The following KCNMA1 variants were observed in gnomAD, a reference collection of about 807,000 sequenced individuals.
KCNMA1 encodes the protein Calcium-activated potassium channel subunit alpha-1.
KCNMA1 carries 29 observed loss-of-function variants against 140.0 expected under a neutral mutation model. The ratio of observed to expected loss-of-function variants is 0.21; its 90% CI spans 0.15 to 0.28. The LOEUF is 0.28. Among genes scored for constraint, KCNMA1 ranks in the 10% least tolerant of loss-of-function variants. The pLI is 1.00. For missense variants in KCNMA1, 880 were observed against 1,602.2 expected (o/e 0.55, Z 7.70); for synonymous variants, 612 against 611.9 (o/e 1.00, Z 0.00).
chr10:77,297,154 T>C (rs2075378119), intron 2 of KCNMA1, among the ~76,000 whole-genome samples: 1 of 152,142 alleles, frequency 6.6e-6, no homozygotes, highest in Non-Finnish European at 1.5e-5. Flanking sequence ...AGAGATTAAA[T>C]TTATAATCAT....
chr10:77,589,852 G>A (rs2078470411), intron 1 of KCNMA1, among the ~76,000 whole-genome samples: 1 of 152,074 alleles, frequency 6.6e-6, no homozygotes, highest in Non-Finnish European at 1.5e-5. Context: ...TCCACAGTGT[G>A]GAAGGGGACC....
At chr10:77,618,228 C>T (rs547966664) in intron 1 of KCNMA1, among the ~76,000 whole-genome samples, 1 of 152,176 alleles carries the variant, frequency 6.6e-6, no homozygotes, top group African/African-American at 2.4e-5. Flanking sequence ...TCCACACACA[C>T]CATCAATGGT....
intron 14 of KCNMA1, among the ~76,000 whole-genome samples, chr10:77,062,786 C>T (rs1387650275): frequency 6.6e-6 from 1 of 152,168 alleles, no homozygotes; most frequent in Non-Finnish European, 1.5e-5. Context: ...GGTTTCTATT[C>T]TTAGAAGCTA....
At chr10:77,367,330 T>C (rs1278992322) in intron 2 of KCNMA1, among the ~76,000 whole-genome samples, 1 of 152,112 alleles carries the variant, frequency 6.6e-6, no homozygotes, top group Non-Finnish European at 1.5e-5. Flanking sequence ...TGATAAAATA[T>C]TTGAATTTTA....
intron 10 of KCNMA1, among the ~76,000 whole-genome samples, chr10:77,087,095 G>A (rs976367258): frequency 6.6e-6 from 1 of 152,188 alleles, no homozygotes; most frequent in African/African-American, 2.4e-5. Context: ...CAATAAAACA[G>A]AGGACAGAGG....
At chr10:77,201,615 C>T (rs11002077) in intron 3 of KCNMA1, among the ~76,000 whole-genome samples, 10,031 of 152,182 alleles carry the variant, frequency 0.066, 491 homozygotes, top group Middle Eastern at 0.15. Context: ...CGTGAGGCAC[C>T]GCACCCAGCC....
At chr10:77,295,813 A>AC (rs1204004124) in intron 2 of KCNMA1, among the ~76,000 whole-genome samples, 6 of 150,420 alleles carry the variant, frequency 4.0e-5, no homozygotes, top group African/African-American at 1.2e-4. Context: ...AAAAAAAAAA[A>AC]AAAACAGTTT....
At chr10:76,973,926 T>G (rs2076789864) in intron 19 of KCNMA1, 1 of 152,242 alleles carries the variant, frequency 6.6e-6, no homozygotes, top group South Asian at 2.1e-4. Flanking sequence ...GACCTGATGC[T>G]CAGCTCTAGC....
intron 3 of KCNMA1, among the ~76,000 whole-genome samples, chr10:77,187,395 A>G (rs1323546283): frequency 6.6e-6 from 1 of 152,202 alleles, no homozygotes; most frequent in East Asian, 1.9e-4. Context: ...GCTAGAGGAC[A>G]TGGGTGTTGA....
At chr10:76,905,070 T>C (rs1183662625) in intron 25 of KCNMA1, 1 of 152,346 alleles carries the variant, frequency 6.6e-6, no homozygotes, top group Non-Finnish European at 1.5e-5. Flanking sequence ...CCCGATTTTA[T>C]ATAAAATCTT....
chr10:77,562,076 C>A (rs928131876), intron 1 of KCNMA1, among the ~76,000 whole-genome samples: 6 of 152,160 alleles, frequency 3.9e-5, no homozygotes, highest in Non-Finnish European at 8.8e-5. Context: ...TCCAGGGTGC[C>A]CAGATGCCCA....
At chr10:77,190,432 T>C (rs945356993) in intron 3 of KCNMA1, among the ~76,000 whole-genome samples, 2 of 152,168 alleles carry the variant, frequency 1.3e-5, no homozygotes, top group Non-Finnish European at 2.9e-5. Context: ...GTGGTAGAGT[T>C]AGGATAGAGA....
rs117605116 is a variant in KCNMA1 at position 77,238,406 on chromosome 10, T to G, written c.602+12789A>C. Among the ~76,000 whole-genome samples, 687 of 152,272 alleles carry G rather than the reference T, an allele frequency of 4.5e-3. 2 individuals are homozygous for G. Among genetic ancestry groups the G allele is most frequent in the Non-Finnish European group, 5.8e-3 (394 of 68,012 alleles). ...GAGGAATTTGTCCTCTACAAACAAG[T>G]GCTAACCCACAATACACAAGAGAAG... is the stretch of plus-strand genomic sequence containing the variant. On this transcript the variant is annotated intron_variant, in intron 3 of 27. Coordinates refer to ENST00000286628, the MANE Select transcript of KCNMA1 (RefSeq NM_001161352.2).
intron 5 of KCNMA1, among the ~76,000 whole-genome samples, chr10:77,176,641 C>G (rs1043782774): frequency 2.6e-5 from 4 of 152,156 alleles, no homozygotes; most frequent in African/African-American, 4.8e-5. Context: ...TTTGGCACAT[C>G]TGAACAGGGG....
chr10:77,121,204 G>C (rs2097583941), intron 5 of KCNMA1, among the ~76,000 whole-genome samples, 156 bp from the exon 6 acceptor site: 1 of 152,146 alleles, frequency 6.6e-6, no homozygotes, highest in Admixed American at 6.5e-5. Flanking sequence ...CCTTCATTCT[G>C]ATTCTTGACT....
At chr10:77,539,065 G>C (rs2059576569) in intron 1 of KCNMA1, among the ~76,000 whole-genome samples, 1 of 152,072 alleles carries the variant, frequency 6.6e-6, no homozygotes, top group African/African-American at 2.4e-5. Flanking sequence ...TGGTCCGGGA[G>C]GACCCTAGGG....
chr10:76,931,810 G>C (rs2059361546), intron 23 of KCNMA1, among the ~76,000 whole-genome samples: 1 of 152,134 alleles, frequency 6.6e-6, no homozygotes, highest in Non-Finnish European at 1.5e-5. Context: ...GTAGGCTTTT[G>C]TTAGTCTACC....
chr10:76,941,006 G>A (rs1325676757), intron 23 of KCNMA1, among the ~76,000 whole-genome samples: 10 of 36,206 alleles, frequency 2.8e-4, no homozygotes, highest in African/African-American at 1.2e-3. Flanking sequence ...AGAAAGGAAG[G>A]AAGGAAGGAA....
At chr10:76,893,683 T>C (rs1385699529) in intron 25 of KCNMA1, among the ~76,000 whole-genome samples, 1 of 152,180 alleles carries the variant, frequency 6.6e-6, no homozygotes, top group Admixed American at 6.5e-5. Flanking sequence ...GATGTTGCAG[T>C]AATCTGAGAT....
Sources: allele counts gnomAD v4.1 joint callset (sites outside exome capture counted in the v4.1 genomes callset), GRCh38; gene constraint gnomAD v4.1.1; transcripts MANE v1.5; gene names NCBI Gene and HGNC (gene_info 2026-07-23, HGNC 2026-07-21).